PTGS1: variants seen among roughly 807,000 people sequenced by gnomAD.
PTGS1 encodes prostaglandin-endoperoxide synthase 1, also known as prostaglandin G/H synthase 1.
PTGS1 carries 40 observed loss-of-function variants against 63.0 expected under a neutral mutation model. The ratio of observed to expected loss-of-function variants is 0.63; its 90% CI spans 0.49 to 0.83. PTGS1 has a LOEUF of 0.83. PTGS1 is among the 40% of genes least tolerant of loss of function. PTGS1 has a pLI of 0.00. For missense variants in PTGS1, 709 were observed against 786.5 expected (o/e 0.90, Z 1.18); for synonymous variants, 298 against 301.9 (o/e 0.99, Z 0.13).
At position 122,383,550 on chromosome 9, in the gene PTGS1, G is replaced by C. The variant is rs201043631; in HGVS notation, c.804G>C (p.Ala268=). ...GEMYPPSVEE[A]PVLMHYPRGI... is the part of the protein sequence containing the mutation. ...TGTACCCGCCCTCGGTAGAAGAGGC[G>C]CCTGTGTTGATGCACTACCCCCGAG... is the stretch of plus-strand genomic sequence containing the variant. Residue 268 remains alanine, a synonymous_variant, in exon 8 of 11, where the codon GCG becomes GCC. Coordinates refer to ENST00000362012, the MANE Select transcript of PTGS1 (RefSeq NM_000962.4). The C allele has an allele frequency of 6.2e-7, 1 of 1,613,832 alleles. No individual in the cohort carries two copies. The highest frequency in any genetic ancestry group is 2.2e-5 in the East Asian group (1 of 44,860).
rs747742123 is a variant in PTGS1 at position 122,378,609 on chromosome 9, C to G, written c.352+36C>G. 5 of 1,613,676 alleles carry G rather than the reference C, an allele frequency of 3.1e-6. No homozygotes were observed. The African/African-American group carries it at 6.7e-5, about 22-fold the overall frequency. On this transcript the variant is annotated intron_variant, in intron 4 of 10. Coordinates refer to ENST00000362012, the MANE Select transcript of PTGS1 (RefSeq NM_000962.4). The stretch of plus-strand genomic sequence containing the variant: ...GGCAGGGCCCCCTGACCTGGGGGAG[C>G]AAGCAAGCCTGCTAGTCCTTTTGGA...
intron 8 of PTGS1, among the ~76,000 whole-genome samples, 187 bp from the exon 9 acceptor site, chr9:122,386,259 T>C (rs1714646763): frequency 1.3e-5 from 2 of 152,112 alleles, no homozygotes. Context: ...GCTGTAATTA[T>C]ACCATTGCGC....
At chr9:122,381,289 G>GT in intron 5 of PTGS1, 82 bp from the exon 6 acceptor site, 1 of 1,471,816 alleles carries the variant, frequency 6.8e-7, no homozygotes, top group Non-Finnish European at 9.1e-7. Context: ...GCTTGGGCCA[G>GT]TTTGCCTGGT....
At position 122,378,586 on chromosome 9, in the gene PTGS1, C is replaced by T. The variant is rs758201691; in HGVS notation, c.352+13C>T. On this transcript the variant is annotated intron_variant, in intron 4 of 10. Coordinates refer to ENST00000362012, the MANE Select transcript of PTGS1 (RefSeq NM_000962.4). ...CTGGTACTCACAGGTGGGTGTGGGGCAGGGCCCCCTGACCTGGGGGAGCAA... is the reference window on the plus strand; with the variant it reads ...CTGGTACTCACAGGTGGGTGTGGGGTAGGGCCCCCTGACCTGGGGGAGCAA... 4 of 1,614,156 alleles carry T rather than the reference C, an allele frequency of 2.5e-6. No individual in the cohort carries two copies. In the East Asian group the frequency reaches 6.7e-5, roughly 27 times the overall value.
At chr9:122,372,131 G>C (rs925727248) in intron 2 of PTGS1, among the ~76,000 whole-genome samples, 1 of 152,146 alleles carries the variant, frequency 6.6e-6, no homozygotes, top group African/African-American at 2.4e-5. Flanking sequence ...GTCCCAGTTG[G>C]ATATAGTTTC....
At chr9:122,373,065 G>T (rs569066989) in intron 2 of PTGS1, among the ~76,000 whole-genome samples, 183 of 152,322 alleles carry the variant, frequency 1.2e-3, no homozygotes, top group African/African-American at 4.0e-3. Flanking sequence ...AGAATTGAGG[G>T]AGGCTTCTTG....
At position 122,371,861 on chromosome 9, in the gene PTGS1, C is replaced by G. The variant is rs150604754; in HGVS notation, c.94+589C>G. 2.7e-4 allele frequency: 399 copies of G among 1,457,458 alleles called. 1 individual carries two copies. The African/African-American group carries it at 5.0e-3, about 18-fold the overall frequency. The allele number at this position is 1,457,458 out of a possible 1,614,324, so 90.3% of individuals were successfully genotyped here. ...TAGGTGCCATGATTCCCCAAGCTCACAAAATACATGGTGGGCCCAGGATCT... is the reference window on the plus strand; with the variant it reads ...TAGGTGCCATGATTCCCCAAGCTCAGAAAATACATGGTGGGCCCAGGATCT... On this transcript the variant is annotated intron_variant, in intron 2 of 10. Transcript: ENST00000362012.
At chr9:122,386,403 C>T (rs1564142323) in intron 8 of PTGS1, 43 bp from the exon 9 acceptor site, 1 of 1,596,026 alleles carries the variant, frequency 6.3e-7, no homozygotes, top group East Asian at 2.2e-5. Context: ...GCATCTAAAT[C>T]ACTGTGCTTG....
At chr9:122,382,242 A>G (rs942731656) in intron 7 of PTGS1, among the ~76,000 whole-genome samples, 1 of 152,256 alleles carries the variant, frequency 6.6e-6, no homozygotes, top group Non-Finnish European at 1.5e-5. Flanking sequence ...GGAAAAAGAA[A>G]CAGGTGAAAT....
chr9:122,376,910 G>A (rs983991499), intron 2 of PTGS1, among the ~76,000 whole-genome samples: 3 of 152,224 alleles, frequency 2.0e-5, no homozygotes, highest in African/African-American at 4.8e-5. Context: ...TTAGCAAGGG[G>A]GTGGTGGTCT....
At chr9:122,387,327 C>T (rs1271510628) in intron 9 of PTGS1, among the ~76,000 whole-genome samples, 2 of 152,010 alleles carry the variant, frequency 1.3e-5, no homozygotes, top group African/African-American at 4.8e-5. Context: ...AACAGAAGGA[C>T]ATTCAGGGCA....
chr9:122,374,168 C>T (rs1213265), intron 2 of PTGS1, among the ~76,000 whole-genome samples: 121,644 of 152,036 alleles, frequency 0.8, 51,533 homozygotes, highest in East Asian at 0.99. Context: ...GTGTGTCTGG[C>T]ATGCAGCGTG....
chr9:122,387,983 C>T (rs1588138680), intron 9 of PTGS1, among the ~76,000 whole-genome samples: 2 of 152,318 alleles, frequency 1.3e-5, no homozygotes, highest in Admixed American at 1.3e-4. Context: ...ATTTGCTGCC[C>T]CGGTGGGCAG....
At chr9:122,380,749 C>A (rs1050134580) in intron 5 of PTGS1, among the ~76,000 whole-genome samples, 2 of 152,142 alleles carry the variant, frequency 1.3e-5, no homozygotes, top group Non-Finnish European at 2.9e-5. Flanking sequence ...AAAATTCTAC[C>A]CACTGGTTCT....
At chr9:122,370,909 G>A (rs958385142), upstream of PTGS1, 3 of 1,048,726 alleles carry the variant, frequency 2.9e-6, no homozygotes, top group Non-Finnish European at 4.1e-6. Context: ...TTAATAAAAT[G>A]CCTTGGCCGG....
In PTGS1 at chr9:122,381,700, C is replaced by T. The variant is rs1271246756; in HGVS notation, c.715C>T (p.Arg239Cys). ...LGHIYGDNLERQYQLRLFKDG... is the reference protein window; with the variant it reads ...LGHIYGDNLECQYQLRLFKDG... ...CCACATTTATGGAGACAATCTGGAG[C>T]GTCAGTATCAACTGCGGCTCTTTAA... Residue 239 changes from arginine (R) to cysteine (C), a missense_variant, in exon 7 of 11, where the codon CGT becomes TGT. Physicochemically the swap from Arg to Cys is radical, Grantham distance 180 (BLOSUM62 -3). Transcript: ENST00000362012. The T allele has an allele frequency of 5.6e-6, 9 of 1,614,062 alleles. No individual in the cohort carries two copies. Among genetic ancestry groups the T allele is most frequent in the East Asian group, 2.2e-5 (1 of 44,880 alleles).
chr9:122,371,297 G>C, intron 2 of PTGS1, 25 bp downstream of exon 2: 1 of 1,601,026 alleles, frequency 6.2e-7, no homozygotes, highest in East Asian at 2.2e-5. Context: ...CCCTCCCCAA[G>C]GGAATCCCCG....
rs199965305 is a variant in PTGS1, at chr9:122,383,564, A to G, written c.818A>G (p.His273Arg). 50 of 1,613,898 alleles carry G rather than the reference A, an allele frequency of 3.1e-5. 1 individual carries two copies. The South Asian group carries it at 5.5e-4, about 18-fold the overall frequency. ...GTAGAAGAGGCGCCTGTGTTGATGC[A>G]CTACCCCCGAGGCATCCCGCCCCAG... is the stretch of plus-strand genomic sequence containing the variant. ...PSVEEAPVLMHYPRGIPPQSQ... is the reference protein window; with the variant it reads ...PSVEEAPVLMRYPRGIPPQSQ... Residue 273 changes from histidine (H) to arginine (R), a missense_variant, in exon 8 of 11, where the codon CAC (histidine) becomes CGC (arginine). By Grantham distance (29) the His-to-Arg change is conservative. Transcript: ENST00000362012.
rs760743281 is a variant in PTGS1, at chr9:122,383,583, G to A, written c.837G>A (p.Pro279=). Residue 279 remains proline, a synonymous_variant, in exon 8 of 11, where the codon CCG becomes CCA. Coordinates refer to ENST00000362012, the MANE Select transcript of PTGS1 (RefSeq NM_000962.4). ...TGATGCACTACCCCCGAGGCATCCC[G>A]CCCCAGAGCCAGATGGCTGTGGGCC... ...PVLMHYPRGI[P]PQSQMAVGQE... 7.4e-6 allele frequency: 12 copies of A among 1,613,944 alleles called. No individual in the cohort carries two copies. The African/African-American group carries it at 8.0e-5, about 11-fold the overall frequency.
Sources: allele counts gnomAD v4.1 joint callset (sites outside exome capture counted in the v4.1 genomes callset), GRCh38; gene constraint gnomAD v4.1.1; transcripts MANE v1.5; gene names NCBI Gene and HGNC (gene_info 2026-07-23, HGNC 2026-07-21).